Variants in NCBP3 observed in about 807,000 individuals in gnomAD.
The protein encoded by NCBP3 is nuclear cap-binding protein subunit 3.
In NCBP3, 20 loss-of-function variants were observed where a neutral mutation model predicts 75.7. The ratio of observed to expected loss-of-function variants is 0.26; its 90% CI spans 0.19 to 0.38. The LOEUF (loss-of-function observed/expected upper bound fraction) is 0.38. NCBP3 is among the 10% of genes least tolerant of loss of function. The pLI, the probability that NCBP3 is intolerant of heterozygous loss-of-function variation, is 1.00. For synonymous variants in NCBP3, 293 were observed against 290.5 expected, an observed-to-expected ratio of 1.01 and a Z score of -0.09; for missense variants, 678 against 796.9, an observed-to-expected ratio of 0.85 and a Z score of 1.80.
chr17:3,820,413 T>C (rs1047559230), intron 9 of NCBP3, among the ~76,000 whole-genome samples: 4 of 152,208 alleles, frequency 2.6e-5, no homozygotes, highest in Admixed American at 2.6e-4. Flanking sequence ...TGTAGAAGAT[T>C]CCATAGATTA....
At chr17:3,823,600 TA>T (rs1324380831) in intron 7 of NCBP3, among the ~76,000 whole-genome samples, 2 of 152,178 alleles carry the variant, frequency 1.3e-5, no homozygotes, top group African/African-American at 4.8e-5. Context: ...TTTTATTTTT[TA>T]AAATAGGGAT....
At chr17:3,816,688 A>C (rs2053539536) in intron 10 of NCBP3, among the ~76,000 whole-genome samples, 1 of 152,238 alleles carries the variant, frequency 6.6e-6, no homozygotes, top group Non-Finnish European at 1.5e-5. Flanking sequence ...ATATGCTATC[A>C]TGCTAGGTGC....
intron 3 of NCBP3, among the ~76,000 whole-genome samples, chr17:3,838,540 G>A (rs2054014439): frequency 6.6e-6 from 1 of 152,236 alleles, no homozygotes; most frequent in South Asian, 2.1e-4. Context: ...GCAGCTTCCA[G>A]AGTTCAGCTC....
Position 3,807,459 on chromosome 17 carries a change from T to C in NCBP3, c.*5585A>G, listed in dbSNP as rs1012890008. ...TCTGAATAATCTTCCCTTTTTCGAA[T>C]CTGGGGCTTTCATCTGGAATTAGAC... is the stretch of plus-strand genomic sequence containing the variant. On this transcript the variant is annotated 3_prime_UTR_variant, in exon 13 of 13. Coordinates refer to ENST00000389005, the MANE Select transcript of NCBP3 (RefSeq NM_001114118.3). 6.6e-6 allele frequency: 1 copy of C among 152,128 alleles called. No individual in the cohort carries two copies. 9.4% of individuals were successfully genotyped at this position (152,128 alleles called of 1,614,324 possible). A position where few individuals can be genotyped will look rare whatever the true frequency, so the allele number is the denominator to read the frequency against.
In NCBP3 at chr17:3,821,343, T is replaced by A. The variant is rs778195059; in HGVS notation, c.906A>T (p.Arg302Ser). 1 of 1,613,652 alleles carries A rather than the reference T, an allele frequency of 6.2e-7. No individual in the cohort carries two copies. Among genetic ancestry groups the A allele is most frequent in the African/African-American group, 1.3e-5 (1 of 74,914 alleles). The part of the protein sequence containing the change: ...KGILSNSWKR[R>S]YHSRRIQRDV... ...CCCGCTGAATACGACGGGAATGATA[T>A]CTTCGCTTCCTGCAAGAATGCCAAA... The change falls in exon 9 of 13, where the codon AGA becomes AGT. Residue 302 changes from arginine to serine, a missense_variant. Physicochemically the swap from Arg to Ser is moderately radical, Grantham distance 110. This residue lies in a region of NCBP3 where 38 missense variants were observed against 78.9 expected (regional missense o/e 0.48). Transcript: ENST00000389005.
chr17:3,828,634 A>G (rs969487635), intron 4 of NCBP3, among the ~76,000 whole-genome samples: 2 of 152,166 alleles, frequency 1.3e-5, no homozygotes, highest in East Asian at 1.9e-4. Flanking sequence ...ACTTACAGTA[A>G]GCAGGCAAGT....
At chr17:3,841,602 CT>C (rs373561293) in intron 2 of NCBP3, among the ~76,000 whole-genome samples, 1,874 of 118,014 alleles carry the variant, frequency 0.016, 30 homozygotes, top group African/African-American at 0.052. Flanking sequence ...AATTCTCTCT[CT>C]TTTTTTTTTT....
intron 1 of NCBP3, among the ~76,000 whole-genome samples, chr17:3,845,620 C>T (rs527917186): frequency 4.7e-4 from 71 of 152,294 alleles, no homozygotes; most frequent in Admixed American, 1.9e-3. Flanking sequence ...CAAATTCCTC[C>T]GGGGCAAGAC....
In NCBP3 at chr17:3,816,216, A is replaced by C; in HGVS notation, c.1365T>G (p.Gly455=). The change falls in exon 11 of 13, where the codon GGT becomes GGG. Residue 455 remains glycine (G), a synonymous_variant. Coordinates refer to ENST00000389005, the MANE Select transcript of NCBP3 (RefSeq NM_001114118.3). ...VSSSNIKNRI[G]NKLPPEKFAD... is the part of the protein sequence containing the mutation. ...CAAATTTCTCAGGTGGTAATTTGTT[A>C]CCAATTCGGTTTTTGATATTGCTTG... 1 of 1,614,114 alleles carries C rather than the reference A, an allele frequency of 6.2e-7. No homozygotes were observed. Among genetic ancestry groups the C allele is most frequent in the Non-Finnish European group, 8.5e-7 (1 of 1,180,000 alleles).
In NCBP3 at chr17:3,803,965, TAC is replaced by T. The variant is rs2053308927; in HGVS notation, c.*9077_*9078del. ...GGTGGCGGGTGCCTGTAGTCCCAGC[TAC>T]TCAGGAGGGTGAGGCAGGAGAATGG... On this transcript the variant is annotated 3_prime_UTR_variant, in exon 13 of 13. Coordinates refer to ENST00000389005, the MANE Select transcript of NCBP3 (RefSeq NM_001114118.3). The T allele has an allele frequency of 2.6e-5, 4 of 152,112 alleles. No homozygotes were observed. The highest frequency in any genetic ancestry group is 1.9e-4 in the East Asian group (1 of 5,150). The allele number at this position is 152,112 out of a possible 1,614,324, so 9.4% of individuals were successfully genotyped here. A position where few individuals can be genotyped will look rare whatever the true frequency, so the allele number is the denominator to read the frequency against.
At chr17:3,821,907 T>C in intron 8 of NCBP3, 46 bp downstream of exon 8, 2 of 1,256,926 alleles carry the variant, frequency 1.6e-6, no homozygotes, top group Non-Finnish European at 2.3e-6. Flanking sequence ...AACTGAAGGA[T>C]TAAGAAAAAC....
intron 2 of NCBP3, among the ~76,000 whole-genome samples, chr17:3,841,297 C>G (rs2054058982): frequency 6.6e-6 from 1 of 152,130 alleles, no homozygotes; most frequent in South Asian, 2.1e-4. Context: ...TGTATATTGA[C>G]TTTGCCACAC....
rs572148767 is a variant in NCBP3 at position 3,829,115 on chromosome 17, C to T, written c.481+128G>A. ...TCACTGCTCGACAATTTTTTCTCTCCTGGACTAACAGCAGAAGTTCGGCAT... is the reference window on the plus strand; with the variant it reads ...TCACTGCTCGACAATTTTTTCTCTCTTGGACTAACAGCAGAAGTTCGGCAT... On this transcript the variant is annotated intron_variant, in intron 4 of 12. Transcript: ENST00000389005. 4.7e-6 allele frequency: 5 copies of T among 1,071,328 alleles called. No individual in the cohort carries two copies. In the South Asian group the frequency reaches 5.0e-5, roughly 11 times the overall value. 66.4% of individuals were successfully genotyped at this position (1,071,328 alleles called of 1,614,324 possible).
In NCBP3 at chr17:3,846,126, T is replaced by C. The variant is rs1364662201; in HGVS notation, c.98A>G (p.Asp33Gly). Residue 33 changes from aspartate (D) to glycine (G), a missense_variant, in exon 1 of 13, where the codon GAC becomes GGC. Asp to Gly is a moderately conservative substitution (Grantham distance 94). Transcript: ENST00000389005. This position sits in a 1 kb window ranked among gnomAD's most constrained non-coding sequence, Gnocchi z 4.6. ...LPSPEAESGVDRGEPEPMEVE... is the reference protein window; with the variant it reads ...LPSPEAESGVGRGEPEPMEVE... ...CTCCATGGGCTCCGGCTCGCCACGG[T>C]CAACACCGGACTCCGCCTCAGGGGA... The C allele has an allele frequency of 1.3e-6, 2 of 1,546,798 alleles. No individual in the cohort carries two copies. The highest frequency in any genetic ancestry group is 1.7e-6 in the Non-Finnish European group (2 of 1,145,116).
rs944922234 is a variant in NCBP3 at position 3,829,166 on chromosome 17, T to G, written c.481+77A>C. On this transcript the variant is annotated intron_variant, in intron 4 of 12. Transcript: ENST00000389005. The stretch of plus-strand genomic sequence containing the variant: ...AAACAAGTAGTATGGGCCAGAACCA[T>G]TCACCATCTCTGATGGCAAGAACTC... The G allele has an allele frequency of 6.1e-6, 9 of 1,484,506 alleles. No homozygotes were observed. The South Asian group carries it at 1.1e-4, about 19-fold the overall frequency. 92.0% of individuals were successfully genotyped at this position (1,484,506 alleles called of 1,614,324 possible).
intron 7 of NCBP3, chr17:3,822,938 A>G (rs1402949601): frequency 6.6e-6 from 1 of 152,260 alleles, no homozygotes; most frequent in African/African-American, 2.4e-5. Flanking sequence ...TAAAGAAAGA[A>G]AGTGCTTAAA....
At chr17:3,815,864 G>A (rs2053521696) in intron 11 of NCBP3, among the ~76,000 whole-genome samples, 1 of 152,132 alleles carries the variant, frequency 6.6e-6, no homozygotes, top group African/African-American at 2.4e-5. Flanking sequence ...AGGGGGTCCT[G>A]GAAGCAAGCC....
In NCBP3 at chr17:3,821,235, G is replaced by A; in HGVS notation, c.1000+14C>T. ...CCAAACATGTGTCTACCCAAGAGCT[G>A]AGCAGGCAACTACCAGAATGTCGAT... On this transcript the variant is annotated intron_variant, in intron 9 of 12. Transcript: ENST00000389005. The A allele has an allele frequency of 1.3e-6, 2 of 1,590,514 alleles. No individual in the cohort carries two copies. Among genetic ancestry groups the A allele is most frequent in the Non-Finnish European group, 8.6e-7 (1 of 1,158,828 alleles).
rs1567583297 is a variant in NCBP3 at position 3,818,523 on chromosome 17, CTCCTCCTCT to C, written c.1041_1049del (p.Glu357_Glu359del). ...CTTCTTCCTCTTCCTCTTCCTCCTC[CTCCTCCTCT>C]TCCTCCTCTTCAATGGGTTCCTCGG... On this transcript the variant is annotated inframe_deletion, in exon 10 of 13. Coordinates refer to ENST00000389005, the MANE Select transcript of NCBP3 (RefSeq NM_001114118.3). This position sits in a 1 kb window ranked among gnomAD's most constrained non-coding sequence, Gnocchi z 4.7. 9 of 1,611,962 alleles carry C rather than the reference CTCCTCCTCT, an allele frequency of 5.6e-6. No individual in the cohort carries two copies. Among genetic ancestry groups the C allele is most frequent in the East Asian group, 4.5e-5 (2 of 44,884 alleles).
Sources: gnomAD v4.1 joint callset for allele counts (sites outside exome capture counted in the v4.1 genomes callset) on GRCh38, gnomAD v4.1.1 for gene constraint, gnomAD v4.1.1 regional missense constraint, Gnocchi (gnomAD v3.1) non-coding constraint, MANE v1.5 for transcripts, NCBI Gene and HGNC (gene_info 2026-07-23, HGNC 2026-07-21) for gene names.